The following AFF3 variants were observed in gnomAD, a reference collection of about 807,000 sequenced individuals.
AFF3 encodes AF4/FMR2 family member 3.
A neutral mutation model predicts 129.7 loss-of-function variants in AFF3; 32 were observed. That is an observed-to-expected ratio of 0.25 (90% CI 0.19 to 0.33). The LOEUF is 0.33. Ranked by LOEUF, AFF3 falls within the 10% of genes least tolerant of loss-of-function variation. The probability of loss-of-function intolerance (pLI) is 1.00; values close to 1 mark genes in which losing one functional copy is unlikely to be tolerated. For missense variants in AFF3, 1,373 were observed against 1,592.0 expected (o/e 0.86, Z 2.34); for synonymous variants, 644 against 635.4 (o/e 1.01, Z -0.20).
At position 99,593,437 on chromosome 2, in the gene AFF3, ACTG is replaced by A. The variant is rs1320126653; in HGVS notation, c.2221_2223del (p.Gln741del). The stretch of plus-strand genomic sequence containing the variant: ...CGGCCAAAGGGGACCAGTGTGTAGA[ACTG>A]CTCCTCCAGCTCCTTGGCGATGTCA... On this transcript the variant is annotated inframe_deletion, in exon 15 of 25. Coordinates refer to ENST00000672756, the MANE Select transcript of AFF3 (RefSeq NM_001386135.1). 4.3e-6 allele frequency: 7 copies of A among 1,613,290 alleles called. No homozygotes were observed. The highest frequency in any genetic ancestry group is 5.9e-6 in the Non-Finnish European group (7 of 1,179,774).
intron 7 of AFF3, among the ~76,000 whole-genome samples, chr2:99,854,278 G>A (rs1308281817): frequency 8.6e-5 from 13 of 150,496 alleles, no homozygotes; most frequent in East Asian, 7.8e-4. Flanking sequence ...ATAGATGAGC[G>A]TTACTGATGT....
chr2:99,606,893 G>A (rs1047349328), intron 13 of AFF3, among the ~76,000 whole-genome samples: 70 of 114,808 alleles, frequency 6.1e-4, no homozygotes, highest in Admixed American at 5.5e-3. Context: ...CAGCCTGGGC[G>A]ACAGAGCAAG....
chr2:99,875,706 A>G (rs1160303111), intron 7 of AFF3, among the ~76,000 whole-genome samples: 2 of 152,196 alleles, frequency 1.3e-5, no homozygotes, highest in African/African-American at 4.8e-5. Context: ...TGGATAAATT[A>G]GAGAAAGTTT....
At chr2:99,730,864 G>T (rs1463071814) in intron 10 of AFF3, among the ~76,000 whole-genome samples, 1 of 151,970 alleles carries the variant, frequency 6.6e-6, no homozygotes, top group Non-Finnish European at 1.5e-5. Flanking sequence ...CATGTTTATG[G>T]TTTTAAAAAA....
intron 8 of AFF3, among the ~76,000 whole-genome samples, chr2:99,778,618 C>T (rs1323711393): frequency 1.3e-5 from 2 of 152,136 alleles, no homozygotes; most frequent in Non-Finnish European, 2.9e-5. Flanking sequence ...TATCCATGAG[C>T]ACAGAACATT....
At chr2:100,016,885 T>A (rs1187688542) in intron 4 of AFF3, among the ~76,000 whole-genome samples, 1 of 151,266 alleles carries the variant, frequency 6.6e-6, no homozygotes, top group Non-Finnish European at 1.5e-5. Context: ...GTACTGATGG[T>A]GATGGTGGTG....
intron 1 of AFF3, among the ~76,000 whole-genome samples, chr2:100,135,914 C>T (rs993633154): frequency 6.6e-6 from 1 of 151,930 alleles, no homozygotes; most frequent in East Asian, 1.9e-4. Flanking sequence ...CAATTCAATT[C>T]TGGATGATTT....
At chr2:99,791,004 A>C (rs1685151365) in intron 8 of AFF3, among the ~76,000 whole-genome samples, 1 of 152,250 alleles carries the variant, frequency 6.6e-6, no homozygotes, top group Non-Finnish European at 1.5e-5. Context: ...AACATGAGTA[A>C]ATCTCAAAAA....
chr2:99,948,777 A>G (rs1026641915), intron 7 of AFF3, among the ~76,000 whole-genome samples: 1 of 152,124 alleles, frequency 6.6e-6, no homozygotes, highest in Non-Finnish European at 1.5e-5. Context: ...CAAGAATAAA[A>G]CAAAAAAAAA....
chr2:99,982,274 C>T (rs764726672), intron 7 of AFF3, among the ~76,000 whole-genome samples: 17 of 152,104 alleles, frequency 1.1e-4, no homozygotes, highest in African/African-American at 3.9e-4. Flanking sequence ...GTGCCGTTCT[C>T]GTGATAGTGC....
At chr2:99,785,021 G>C (rs1438930867) in intron 8 of AFF3, among the ~76,000 whole-genome samples, 1 of 152,168 alleles carries the variant, frequency 6.6e-6, no homozygotes, top group Non-Finnish European at 1.5e-5. Flanking sequence ...ATGTTGCTGA[G>C]TGTTTGCATA....
Position 99,694,611 on chromosome 2 carries a change from C to A in AFF3, c.1092-22022G>T, listed in dbSNP as rs192202614. On this transcript the variant is annotated intron_variant, in intron 11 of 24. Coordinates refer to ENST00000672756, the MANE Select transcript of AFF3 (RefSeq NM_001386135.1). The stretch of plus-strand genomic sequence containing the variant: ...CATTCTCTAGAACAATGTTCTCTAA[C>A]AGAAATATGTGAGTCGCTATGTAGT... Among the ~76,000 whole-genome samples, 428 of 98,880 alleles carry A rather than the reference C, an allele frequency of 4.3e-3. 4 individuals are homozygous for A. Among genetic ancestry groups the A allele is most frequent in the African/African-American group, 0.018 (409 of 23,000 alleles). The allele number at this position is 98,880 out of a possible 152,430, so 64.9% of individuals were successfully genotyped here. A position where few individuals can be genotyped will look rare whatever the true frequency, so the allele number is the denominator to read the frequency against.
intron 13 of AFF3, among the ~76,000 whole-genome samples, chr2:99,636,209 G>A (rs556135140): frequency 5.1e-4 from 77 of 152,304 alleles, no homozygotes; most frequent in African/African-American, 1.8e-3. Context: ...TCCAAAGTAA[G>A]ATGAGGAACT....
chr2:100,113,996 C>A (rs971864710), intron 2 of AFF3, among the ~76,000 whole-genome samples: 1 of 151,998 alleles, frequency 6.6e-6, no homozygotes, highest in African/African-American at 2.4e-5. Context: ...GGTGAAGAGG[C>A]CTGTATTGAT....
rs142308061 is a variant in AFF3, at chr2:99,610,704, C to T, written c.1185-9083G>A. The stretch of plus-strand genomic sequence containing the variant: ...GTCCATTTCTCTGGGACACTGCTTC[C>T]GGGACTTTCAAATTTGTCTTTTGTC... On this transcript the variant is annotated intron_variant, in intron 13 of 24. Coordinates refer to ENST00000672756, the MANE Select transcript of AFF3 (RefSeq NM_001386135.1). Among the ~76,000 whole-genome samples, 858 of 152,168 alleles carry T rather than the reference C, an allele frequency of 5.6e-3. 4 individuals carry two copies. The highest frequency in any genetic ancestry group is 4.8e-3 in the African/African-American group (199 of 41,520).
chr2:99,919,220 A>G (rs921159093), intron 7 of AFF3, among the ~76,000 whole-genome samples: 5 of 152,222 alleles, frequency 3.3e-5, no homozygotes, highest in Non-Finnish European at 7.3e-5. Flanking sequence ...GCATAAAACT[A>G]TTAATGTTTA....
chr2:99,897,522 C>T (rs984525776), intron 7 of AFF3, among the ~76,000 whole-genome samples: 4 of 152,154 alleles, frequency 2.6e-5, no homozygotes, highest in Admixed American at 2.0e-4. Context: ...GGTCTCTCTG[C>T]TCATGTTGGT....
chr2:99,886,931 G>A (rs1693156300), intron 7 of AFF3, among the ~76,000 whole-genome samples: 1 of 130,576 alleles, frequency 7.7e-6, no homozygotes, highest in African/African-American at 2.5e-5. Context: ...CATACCTAGT[G>A]CTGTAAGAAG....
Position 99,593,826 on chromosome 2 carries a change from T to G in AFF3, c.1835A>C (p.Asp612Ala), listed in dbSNP as rs746572985. 1.9e-6 allele frequency: 3 copies of G among 1,606,186 alleles called. No individual in the cohort carries two copies. In the African/African-American group the frequency reaches 4.0e-5, roughly 22 times the overall value. Residue 612 changes from aspartate to alanine, a missense_variant, in exon 15 of 25, where the codon GAC becomes GCC. Physicochemically the swap from Asp to Ala is moderately radical, Grantham distance 126. This residue lies in a region of AFF3 where 466 missense variants were observed against 505.0 expected (regional missense o/e 0.92). Coordinates refer to ENST00000672756, the MANE Select transcript of AFF3 (RefSeq NM_001386135.1). ...GACCACCACGCTCGTCCCCAGCGCG[T>G]CCGCGGCCGCGGGCTCCTCGGGCCG... ...CHRPEEPAAA[D>A]ALGTSVVVPP...
Sources: gnomAD v4.1 joint callset for allele counts (sites outside exome capture counted in the v4.1 genomes callset) on GRCh38, gnomAD v4.1.1 for gene constraint, gnomAD v4.1.1 regional missense constraint, MANE v1.5 for transcripts, NCBI Gene and HGNC (gene_info 2026-07-23, HGNC 2026-07-21) for gene names.